The following ZNF536 variants were observed in gnomAD, a reference collection of about 807,000 sequenced individuals.
ZNF536 encodes the protein zinc finger protein 536.
In ZNF536, 13 loss-of-function variants were observed where a neutral mutation model predicts 84.5. The ratio of observed to expected loss-of-function variants is 0.15; its 90% CI spans 0.10 to 0.24. The LOEUF (loss-of-function observed/expected upper bound fraction) is 0.24. Ranked by LOEUF, ZNF536 falls within the 10% of genes least tolerant of loss-of-function variation. The pLI is 1.00. For missense variants in ZNF536, 1,536 were observed against 1,747.5 expected (o/e 0.88, Z 2.16); for synonymous variants, 811 against 742.5 (o/e 1.09, Z -1.50).
intron 2 of ZNF536, among the ~76,000 whole-genome samples, chr19:30,290,063 G>T (rs143275262): frequency 6.6e-6 from 1 of 152,138 alleles, no homozygotes; most frequent in African/African-American, 2.4e-5. Flanking sequence ...CATCCACTAT[G>T]CACCTGTCTG....
intron 1 of ZNF536, among the ~76,000 whole-genome samples, chr19:30,670,568 C>T (rs747612315): frequency 1.3e-5 from 2 of 152,220 alleles, no homozygotes; most frequent in African/African-American, 2.4e-5. Context: ...ACACTGAGCT[C>T]CCCCGCAGAC....
At chr19:30,392,071 G>A (rs1005173554) in intron 1 of ZNF536, among the ~76,000 whole-genome samples, 4 of 152,180 alleles carry the variant, frequency 2.6e-5, no homozygotes, top group Non-Finnish European at 5.9e-5. Flanking sequence ...TCCGGAGCTG[G>A]GGGCCAGAGG....
chr19:30,440,153 G>A (rs1164926690), intron 1 of ZNF536, among the ~76,000 whole-genome samples: 2 of 151,738 alleles, frequency 1.3e-5, no homozygotes, highest in African/African-American at 4.8e-5. Context: ...TAGAGACGAA[G>A]TTTCAACATG....
intron 1 of ZNF536, among the ~76,000 whole-genome samples, chr19:30,627,048 T>C (rs4805589): frequency 0.97 from 148,389 of 152,210 alleles, 72,405 homozygotes; most frequent in Non-Finnish European, 0.99. Context: ...CTCAATGACC[T>C]CTTTCATCTT....
chr19:30,697,743 TTTCTC>T (rs1181565586), intron 1 of ZNF536, among the ~76,000 whole-genome samples: 2 of 152,160 alleles, frequency 1.3e-5, no homozygotes, highest in Admixed American at 6.5e-5. Context: ...GCAGTGGCGA[TTTCTC>T]AAAATCTGCT....
chr19:30,564,558 G>C (rs1021378149), intron 1 of ZNF536, among the ~76,000 whole-genome samples: 3 of 152,074 alleles, frequency 2.0e-5, no homozygotes, highest in Non-Finnish European at 4.4e-5. Flanking sequence ...TGGGGAGAAG[G>C]GTGCTCAGTG....
chr19:30,331,317 AAAAAG>A (rs2047204232), intron 2 of ZNF536, among the ~76,000 whole-genome samples: 1 of 151,050 alleles, frequency 6.6e-6, no homozygotes, highest in African/African-American at 2.4e-5. Flanking sequence ...AAAAAAAAAA[AAAAAG>A]AATATTATTT....
intron 2 of ZNF536, among the ~76,000 whole-genome samples, chr19:30,286,834 C>A (rs2045648694): frequency 6.6e-6 from 1 of 152,160 alleles, no homozygotes; most frequent in Non-Finnish European, 1.5e-5. Flanking sequence ...ATATTGCCTG[C>A]AGTATTTGCC....
At chr19:30,507,938 T>A (rs2055240018) in intron 2 of ZNF536, among the ~76,000 whole-genome samples, 1 of 152,202 alleles carries the variant, frequency 6.6e-6, no homozygotes, top group African/African-American at 2.4e-5. Context: ...ATTAATGGCT[T>A]TCTTCCCCAC....
chr19:30,416,310 TG>T (rs1661852471), intron 1 of ZNF536, among the ~76,000 whole-genome samples: 3 of 129,048 alleles, frequency 2.3e-5, no homozygotes, highest in East Asian at 2.3e-4. Context: ...TTTTTTTTTT[TG>T]GTACATCTTG....
At chr19:30,490,326 A>G (rs2145082193) in intron 2 of ZNF536, among the ~76,000 whole-genome samples, 1 of 152,334 alleles carries the variant, frequency 6.6e-6, no homozygotes, top group South Asian at 2.1e-4. Context: ...TTCAATCAGG[A>G]TGAAAGAGTC....
At chr19:30,430,823 C>T (rs893616938) in intron 1 of ZNF536, among the ~76,000 whole-genome samples, 11 of 152,268 alleles carry the variant, frequency 7.2e-5, no homozygotes, top group East Asian at 3.9e-4. Flanking sequence ...TACAGGCATG[C>T]GCCACCATGC....
chr19:30,288,600 A>G (rs1384317029), intron 2 of ZNF536, among the ~76,000 whole-genome samples: 3 of 152,234 alleles, frequency 2.0e-5, no homozygotes, highest in Admixed American at 2.0e-4. Context: ...CTGACAATGC[A>G]TAGCAAAGGT....
At chr19:30,493,384 T>C (rs2054589613) in intron 2 of ZNF536, among the ~76,000 whole-genome samples, 2 of 152,208 alleles carry the variant, frequency 1.3e-5, no homozygotes, top group Non-Finnish European at 2.9e-5. Context: ...GTAGGCTTAA[T>C]AGAATTTCCT....
chr19:30,640,518 C>T (rs2049230139), intron 1 of ZNF536, among the ~76,000 whole-genome samples: 1 of 152,130 alleles, frequency 6.6e-6, no homozygotes, highest in Non-Finnish European at 1.5e-5. Context: ...AGATTATCTC[C>T]CCAGTTCTAA....
At chr19:30,476,788 C>A (rs1377141636) in intron 2 of ZNF536, among the ~76,000 whole-genome samples, 3 of 152,132 alleles carry the variant, frequency 2.0e-5, no homozygotes, top group African/African-American at 7.2e-5. Context: ...GCCCTAGTGG[C>A]TCCCCATGTG....
intron 1 of ZNF536, among the ~76,000 whole-genome samples, chr19:30,578,304 G>A (rs975473803): frequency 2.0e-5 from 3 of 152,198 alleles, no homozygotes; most frequent in Admixed American, 2.0e-4. Flanking sequence ...CCTAGTTCCT[G>A]GGGAAGGTTG....
chr19:30,506,079 A>G (rs537256612), intron 2 of ZNF536, among the ~76,000 whole-genome samples: 15 of 151,690 alleles, frequency 9.9e-5, no homozygotes, highest in African/African-American at 3.4e-4. Flanking sequence ...ATGAAATACA[A>G]ATATTCCTAT....
At chr19:30,526,681 G>A (rs182815999) in intron 2 of ZNF536, among the ~76,000 whole-genome samples, 17,078 of 133,190 alleles carry the variant, frequency 0.13, 1,810 homozygotes, top group East Asian at 0.31. Flanking sequence ...CCGAGATTGC[G>A]CCACTGCACT....
Sources: gnomAD v4.1 joint callset for allele counts (sites outside exome capture counted in the v4.1 genomes callset) on GRCh38, gnomAD v4.1.1 for gene constraint, MANE v1.5 for transcripts, NCBI Gene and HGNC (gene_info 2026-07-23, HGNC 2026-07-21) for gene names.